TNS1: variants seen among roughly 807,000 people sequenced by gnomAD.
TNS1 encodes tensin-1.
In TNS1, 62 loss-of-function variants were observed where a neutral mutation model predicts 168.6. The observed-to-expected ratio is 0.37, with a 90% CI of 0.30 to 0.45. TNS1 has a LOEUF of 0.45. TNS1 is among the 20% of genes least tolerant of loss of function. TNS1 has a pLI of 1.00. For synonymous variants in TNS1, 934 were observed against 933.2 expected, an observed-to-expected ratio of 1.00 and a Z score of -0.02; for missense variants, 2,240 against 2,339.4, an observed-to-expected ratio of 0.96 and a Z score of 0.88.
At position 217,848,430 on chromosome 2, in the gene TNS1, T is replaced by G. The variant is rs560954271; in HGVS notation, c.2087A>C (p.His696Pro). The G allele has an allele frequency of 6.2e-7, 1 of 1,608,256 alleles. No individual in the cohort carries two copies. The highest frequency in any genetic ancestry group is 8.5e-7 in the Non-Finnish European group (1 of 1,176,450). The change falls in exon 19 of 33, where the codon CAT becomes CCT. Residue 696 changes from histidine to proline, a missense_variant. Transcript: ENST00000682258. ...CCGCATGGGGGCCGTGTGGCCAGCA[T>G]GGGCAGGCCCCGCCCGGCTGGCAGA... ...YESASRAGPA[H>P]AGHTAPMRPS...
At chr2:217,932,932 A>G (rs1463364968) in intron 3 of TNS1, among the ~76,000 whole-genome samples, 2 of 152,178 alleles carry the variant, frequency 1.3e-5, no homozygotes, top group Non-Finnish European at 1.5e-5. Flanking sequence ...CTGGAACCCC[A>G]TCTGCTCTGA....
chr2:217,815,900 A>C (rs1159734311), intron 24 of TNS1, among the ~76,000 whole-genome samples: 2 of 152,170 alleles, frequency 1.3e-5, no homozygotes, highest in Non-Finnish European at 2.9e-5. Flanking sequence ...TCTTTGGATC[A>C]AACAGGTGAT....
At chr2:217,830,430 C>T (rs1355551919) in intron 22 of TNS1, 2 of 1,610,034 alleles carry the variant, frequency 1.2e-6, no homozygotes, top group African/African-American at 2.7e-5. Flanking sequence ...AGCCCCCACC[C>T]AGCCCTAAAA....
At chr2:217,882,514 G>GTA in intron 16 of TNS1, 103 bp from the exon 17 acceptor site, 1 of 635,832 alleles carries the variant, frequency 1.6e-6, no homozygotes, top group Non-Finnish European at 2.7e-6. Flanking sequence ...TATGTACATG[G>GTA]TTAATAATAT....
intron 1 of TNS1, among the ~76,000 whole-genome samples, chr2:217,994,798 C>T (rs1364218578): frequency 6.6e-6 from 1 of 152,264 alleles, no homozygotes; most frequent in Non-Finnish European, 1.5e-5. Context: ...TCTGCCCTTG[C>T]TTAGGCCTCT....
rs573247647 is a variant in TNS1 at position 217,940,217 on chromosome 2, C to T, written c.187-19981G>A. Among the ~76,000 whole-genome samples, 124 of 152,358 alleles carry T rather than the reference C, an allele frequency of 8.1e-4. 1 individual carries two copies. In the Middle Eastern group the frequency reaches 0.01, roughly 13 times the overall value. On this transcript the variant is annotated intron_variant, in intron 3 of 32. Transcript: ENST00000682258. ...AAGGGGGACAAAGTCTAGGCCAGTC[C>T]TCCCAAACCCCAGTCTCCAAAAACC... is the stretch of plus-strand genomic sequence containing the variant.
chr2:217,949,478 G>C (rs1460872536), intron 3 of TNS1, among the ~76,000 whole-genome samples: 1 of 152,178 alleles, frequency 6.6e-6, no homozygotes, highest in Non-Finnish European at 1.5e-5. Context: ...GAGGCTTCTA[G>C]ACCAGATAAC....
At chr2:217,861,429 G>A (rs556630206) in intron 18 of TNS1, among the ~76,000 whole-genome samples, 1 of 152,280 alleles carries the variant, frequency 6.6e-6, no homozygotes, top group East Asian at 1.9e-4. Flanking sequence ...TGAAGCAAGG[G>A]ACCCACAAAC....
intron 3 of TNS1, 143 bp downstream of exon 3, chr2:217,978,622 C>A: frequency 2.0e-6 from 1 of 506,292 alleles, no homozygotes; most frequent in Non-Finnish European, 3.5e-6. Context: ...CGCTCCCAGG[C>A]CCAGGCGCTT....
intron 18 of TNS1, among the ~76,000 whole-genome samples, chr2:217,853,121 G>A (rs958140309): frequency 2.0e-5 from 3 of 152,046 alleles, no homozygotes; most frequent in Non-Finnish European, 2.9e-5. Context: ...ATCCACCACG[G>A]CCACATTAGA....
rs1942130142 is a variant in TNS1, at chr2:217,817,780, G to A, written c.4552C>T (p.Pro1518Ser). 1 of 1,614,108 alleles carries A rather than the reference G, an allele frequency of 6.2e-7. No homozygotes were observed. The highest frequency in any genetic ancestry group is 8.5e-7 in the Non-Finnish European group (1 of 1,180,056). The change falls in exon 24 of 33, where the codon CCT becomes TCT. Residue 1518 changes from proline to serine, a missense_variant. Pro to Ser is a moderately conservative substitution (Grantham distance 74). Transcript: ENST00000682258. ...GGACTGGACATGCCGCTGGCGACAG[G>A]CGAAGACACCTTCCCATTGATGGTG... ...YATINGKVSSPVASGMSSPSG... is the reference protein window; with the variant it reads ...YATINGKVSSSVASGMSSPSG...
intron 9 of TNS1, among the ~76,000 whole-genome samples, chr2:217,894,138 C>G (rs2125715004): frequency 6.6e-6 from 1 of 152,326 alleles, no homozygotes; most frequent in South Asian, 2.1e-4. Flanking sequence ...GGCTTCGGGC[C>G]TCTCAAAATC....
chr2:217,824,023 T>A (rs1315905317), intron 22 of TNS1, among the ~76,000 whole-genome samples: 1 of 152,236 alleles, frequency 6.6e-6, no homozygotes, highest in Non-Finnish European at 1.5e-5. Context: ...CCAGTACACT[T>A]TTTTGTAAAG....
intron 1 of TNS1, among the ~76,000 whole-genome samples, chr2:217,999,673 G>A (rs917491458): frequency 2.0e-5 from 3 of 152,192 alleles, no homozygotes; most frequent in East Asian, 1.9e-4. Context: ...TAGAGAGAAC[G>A]AGTTCAGGAC....
At position 217,894,909 on chromosome 2, in the gene TNS1, C is replaced by T; in HGVS notation, c.594+97G>A. On this transcript the variant is annotated intron_variant, in intron 9 of 32. Coordinates refer to ENST00000682258, the MANE Select transcript of TNS1 (RefSeq NM_001387777.1). The stretch of plus-strand genomic sequence containing the variant: ...ATAAGTCGGCACTCTGACAAACTGT[C>T]ACAGCATTTTCCCCAAGATTATTAT... 6 of 1,225,624 alleles carry T rather than the reference C, an allele frequency of 4.9e-6. 1 individual carries two copies. Among genetic ancestry groups the T allele is most frequent in the Non-Finnish European group, 7.1e-6 (6 of 847,466 alleles). 75.9% of individuals were successfully genotyped at this position (1,225,624 alleles called of 1,614,324 possible).
upstream of TNS1, among the ~76,000 whole-genome samples, chr2:218,013,107 T>A (rs191868734): frequency 9.2e-3 from 1,385 of 149,898 alleles, 26 homozygotes; most frequent in African/African-American, 0.032. Context: ...AAAAAAAAAA[T>A]TAGCGGTGCG....
At chr2:217,950,611 C>A (rs1957215936) in intron 3 of TNS1, among the ~76,000 whole-genome samples, 1 of 149,888 alleles carries the variant, frequency 6.7e-6, no homozygotes, top group South Asian at 2.2e-4. Context: ...GTTCCCACTC[C>A]CTAGGCCTCC....
intron 3 of TNS1, among the ~76,000 whole-genome samples, chr2:217,952,800 G>A (rs1285303983): frequency 6.6e-6 from 1 of 152,168 alleles, no homozygotes; most frequent in East Asian, 1.9e-4. Context: ...CAGGATTGGG[G>A]CAAGAAGGGC....
At chr2:217,866,924 C>G (rs1489796152) in intron 18 of TNS1, among the ~76,000 whole-genome samples, 1 of 152,216 alleles carries the variant, frequency 6.6e-6, no homozygotes, top group Admixed American at 6.5e-5. Flanking sequence ...CATGGGGCAG[C>G]AGGGCAGGGC....
Sources: gnomAD v4.1 joint callset for allele counts (sites outside exome capture counted in the v4.1 genomes callset) on GRCh38, gnomAD v4.1.1 for gene constraint, MANE v1.5 for transcripts, NCBI Gene and HGNC (gene_info 2026-07-23, HGNC 2026-07-21) for gene names.